The following CDH12 variants were observed in gnomAD, a reference collection of about 807,000 sequenced individuals.
CDH12 encodes the protein cadherin-12.
CDH12 carries 41 observed loss-of-function variants against 74.1 expected under a neutral mutation model. The observed-to-expected ratio is 0.55, with a 90% CI of 0.43 to 0.72. CDH12 has a LOEUF of 0.72. Ranked by LOEUF, CDH12 falls within the 30% of genes least tolerant of loss-of-function variation. The pLI is 0.00. For missense variants in CDH12, 945 were observed against 977.2 expected (o/e 0.97, Z 0.44); for synonymous variants, 399 against 355.0 (o/e 1.12, Z -1.39).
At chr5:22,749,478 T>C (rs2127031555) in intron 1 of CDH12, among the ~76,000 whole-genome samples, 1 of 152,322 alleles carries the variant, frequency 6.6e-6, no homozygotes, top group East Asian at 1.9e-4. Flanking sequence ...CTTGCAGATT[T>C]AAATGCTACA....
chr5:22,494,009 T>C (rs1746998792), intron 2 of CDH12, among the ~76,000 whole-genome samples: 1 of 151,984 alleles, frequency 6.6e-6, no homozygotes, highest in Admixed American at 6.6e-5. Context: ...AGGAGAAAGG[T>C]GTCTGGGCAG....
chr5:22,171,958 A>T (rs1399834680), intron 4 of CDH12, among the ~76,000 whole-genome samples: 2 of 151,950 alleles, frequency 1.3e-5, no homozygotes, highest in Non-Finnish European at 2.9e-5. Flanking sequence ...GGAGTGAGAA[A>T]GGTAACCTGA....
At chr5:22,246,904 A>C (rs186983399) in intron 3 of CDH12, among the ~76,000 whole-genome samples, 2 of 152,180 alleles carry the variant, frequency 1.3e-5, no homozygotes, top group Non-Finnish European at 2.9e-5. Context: ...TCAAATTTTC[A>C]ATTAACAAAG....
At chr5:22,318,132 T>C (rs537724261) in intron 3 of CDH12, among the ~76,000 whole-genome samples, 8 of 152,342 alleles carry the variant, frequency 5.3e-5, no homozygotes, top group African/African-American at 1.9e-4. Flanking sequence ...GTAACTTCGA[T>C]GTGCCAAGTG....
intron 6 of CDH12, among the ~76,000 whole-genome samples, chr5:21,971,632 T>C (rs74760665): frequency 0.2 from 30,332 of 152,014 alleles, 3,982 homozygotes; most frequent in African/African-American, 0.37. Flanking sequence ...CCTGTCAGCA[T>C]TGTAGGAAAA....
intron 5 of CDH12, among the ~76,000 whole-genome samples, chr5:22,039,721 G>A (rs1561047658): frequency 6.6e-6 from 1 of 152,060 alleles, no homozygotes; most frequent in African/African-American, 2.4e-5. Flanking sequence ...TGCTGATGTT[G>A]GTCACAACTA....
At chr5:22,128,417 T>A (rs988987653) in intron 4 of CDH12, among the ~76,000 whole-genome samples, 4 of 152,036 alleles carry the variant, frequency 2.6e-5, no homozygotes, top group Admixed American at 2.6e-4. Flanking sequence ...AGCTAGTTTT[T>A]TTTTTCTTTT....
intron 6 of CDH12, among the ~76,000 whole-genome samples, chr5:21,888,653 T>C (rs1402156709): frequency 1.3e-5 from 2 of 152,026 alleles, no homozygotes; most frequent in Non-Finnish European, 2.9e-5. Context: ...AATTCAAACA[T>C]GTGGGAGGTA....
At chr5:21,975,471 G>A in intron 5 of CDH12, 86 bp from the exon 6 acceptor site, 1 of 915,918 alleles carries the variant, frequency 1.1e-6, no homozygotes, top group East Asian at 2.6e-5. Context: ...AAATTAAAAA[G>A]TCATAATTTG....
chr5:22,396,739 C>A (rs1220187511), intron 3 of CDH12, among the ~76,000 whole-genome samples: 2 of 152,088 alleles, frequency 1.3e-5, no homozygotes, highest in African/African-American at 2.4e-5. Flanking sequence ...TAAAATCTCA[C>A]AGTTGGAGGA....
At chr5:22,001,911 G>C (rs1280054526) in intron 5 of CDH12, among the ~76,000 whole-genome samples, 2 of 151,530 alleles carry the variant, frequency 1.3e-5, no homozygotes, top group African/African-American at 4.9e-5. Flanking sequence ...CAATCTTTGG[G>C]TTGCTGTATA....
At chr5:22,644,170 C>T (rs1026830527) in intron 1 of CDH12, among the ~76,000 whole-genome samples, 1 of 152,088 alleles carries the variant, frequency 6.6e-6, no homozygotes, top group Non-Finnish European at 1.5e-5. Flanking sequence ...AGTCCCACAA[C>T]TCTCACTTAA....
At chr5:21,769,751 G>A (rs536265421) in intron 11 of CDH12, among the ~76,000 whole-genome samples, 31 of 152,206 alleles carry the variant, frequency 2.0e-4, no homozygotes, top group African/African-American at 7.2e-4. Flanking sequence ...GCTATTCTTC[G>A]TAGTGCTACG....
At chr5:22,457,330 T>C (rs1177057235) in intron 2 of CDH12, among the ~76,000 whole-genome samples, 1 of 152,084 alleles carries the variant, frequency 6.6e-6, no homozygotes, top group African/African-American at 2.4e-5. Context: ...CCCTCTGAAG[T>C]TGGTTGGAGA....
chr5:22,357,080 C>G (rs1374688948), intron 3 of CDH12, among the ~76,000 whole-genome samples: 1 of 151,982 alleles, frequency 6.6e-6, no homozygotes, highest in Non-Finnish European at 1.5e-5. Context: ...GATATAGAGA[C>G]AGCCAGATAG....
chr5:22,083,176 A>G (rs1305486432), intron 4 of CDH12, among the ~76,000 whole-genome samples: 1 of 152,206 alleles, frequency 6.6e-6, no homozygotes, highest in Non-Finnish European at 1.5e-5. Flanking sequence ...CTTGTAATTA[A>G]AAACATAAAA....
intron 4 of CDH12, among the ~76,000 whole-genome samples, chr5:22,111,015 C>A (rs570202015): frequency 7.2e-5 from 11 of 152,314 alleles, no homozygotes; most frequent in African/African-American, 2.4e-4. Context: ...AAGGCAGTTT[C>A]AGTGGCATAT....
chr5:22,108,885 G>A (rs1428176310), intron 4 of CDH12, among the ~76,000 whole-genome samples: 1 of 152,096 alleles, frequency 6.6e-6, no homozygotes, highest in Admixed American at 6.6e-5. Flanking sequence ...ATTAGAAAAT[G>A]AAAGCTGTAT....
chr5:22,383,838 C>A (rs1454304207), intron 3 of CDH12, among the ~76,000 whole-genome samples: 2 of 152,150 alleles, frequency 1.3e-5, no homozygotes, highest in African/African-American at 4.8e-5. Flanking sequence ...CTCTCCCGCT[C>A]TCCCCCATTT....
Sources: allele counts gnomAD v4.1 joint callset (sites outside exome capture counted in the v4.1 genomes callset), GRCh38; gene constraint gnomAD v4.1.1; transcripts MANE v1.5; gene names NCBI Gene and HGNC (gene_info 2026-07-23, HGNC 2026-07-21).